TMTC2: variants seen among roughly 807,000 people sequenced by gnomAD.
TMTC2 encodes the protein transmembrane O-mannosyltransferase targeting cadherins 2, also known as protein O-mannosyl-transferase TMTC2.
Under a neutral mutation model 82.4 loss-of-function variants are expected in TMTC2, and 43 were observed. That is an observed-to-expected ratio of 0.52 (90% CI 0.41 to 0.67). The LOEUF (loss-of-function observed/expected upper bound fraction) is 0.67, where lower values mean the gene tolerates loss of function less well. Ranked by LOEUF, TMTC2 falls within the 30% of genes least tolerant of loss-of-function variation. The pLI, the probability that TMTC2 is intolerant of heterozygous loss-of-function variation, is 0.00. For synonymous variants in TMTC2, 408 were observed against 381.9 expected (o/e 1.07, Z -0.80); for missense variants, 919 against 1,012.4 (o/e 0.91, Z 1.25).
At chr12:83,031,315 G>A (rs995300499) in intron 9 of TMTC2, among the ~76,000 whole-genome samples, 2 of 152,154 alleles carry the variant, frequency 1.3e-5, no homozygotes, top group Non-Finnish European at 2.9e-5. Context: ...GGAAGATATG[G>A]ATGTACACTA....
intron 1 of TMTC2, among the ~76,000 whole-genome samples, chr12:82,813,618 C>G (rs1269674534): frequency 6.6e-6 from 1 of 152,022 alleles, no homozygotes; most frequent in African/African-American, 2.4e-5. Flanking sequence ...TATATTTTTA[C>G]AGTTTTATAA....
intron 1 of TMTC2, among the ~76,000 whole-genome samples, chr12:82,702,021 T>C (rs1873108420): frequency 6.6e-6 from 1 of 152,116 alleles, no homozygotes; most frequent in African/African-American, 2.4e-5. Context: ...GTTTCTGATT[T>C]CCCCTGCCCC....
At chr12:82,689,172 G>A (rs184986224) in intron 1 of TMTC2, among the ~76,000 whole-genome samples, 13 of 152,274 alleles carry the variant, frequency 8.5e-5, no homozygotes, top group Non-Finnish European at 1.6e-4. Flanking sequence ...TAGCATATTC[G>A]TGGAAAAAGC....
chr12:82,971,600 C>T (rs185924675), intron 7 of TMTC2, among the ~76,000 whole-genome samples: 8 of 152,110 alleles, frequency 5.3e-5, no homozygotes, highest in African/African-American at 1.2e-4. Flanking sequence ...GGTCGTTTTA[C>T]GCCTATTTAC....
chr12:83,123,757 T>A (rs924951681), intron 11 of TMTC2, among the ~76,000 whole-genome samples: 3 of 152,192 alleles, frequency 2.0e-5, no homozygotes, highest in Non-Finnish European at 2.9e-5. Context: ...AAAATGTTTT[T>A]TAAAGTACCA....
chr12:82,734,387 T>C (rs572416107), intron 1 of TMTC2, among the ~76,000 whole-genome samples: 2 of 152,252 alleles, frequency 1.3e-5, no homozygotes, highest in South Asian at 4.1e-4. Flanking sequence ...GGTTCCTGTG[T>C]TCTTGCTGGC....
intron 8 of TMTC2, among the ~76,000 whole-genome samples, chr12:83,025,680 T>C (rs1881136793): frequency 1.3e-5 from 2 of 152,194 alleles, no homozygotes. Flanking sequence ...ATCCAAGTTG[T>C]AGGTTTCCAG....
chr12:82,767,398 A>G (rs1166583840), intron 1 of TMTC2, among the ~76,000 whole-genome samples: 1 of 152,196 alleles, frequency 6.6e-6, no homozygotes, highest in Non-Finnish European at 1.5e-5. Context: ...AGCGTGGGCA[A>G]CATAGTGAGA....
At chr12:83,098,303 G>A (rs76396897) in intron 11 of TMTC2, among the ~76,000 whole-genome samples, 27,780 of 152,040 alleles carry the variant, frequency 0.18, 3,146 homozygotes, top group African/African-American at 0.31. Flanking sequence ...ATTACTTTCA[G>A]CTTTTTTTCT....
chr12:83,038,374 G>A (rs1881755022), intron 9 of TMTC2, among the ~76,000 whole-genome samples: 2 of 151,776 alleles, frequency 1.3e-5, no homozygotes, highest in South Asian at 2.1e-4. Flanking sequence ...AAATTATAAC[G>A]AATTCCCTCA....
At chr12:82,753,283 T>C (rs1876116085) in intron 1 of TMTC2, among the ~76,000 whole-genome samples, 1 of 151,770 alleles carries the variant, frequency 6.6e-6, no homozygotes, top group Non-Finnish European at 1.5e-5. Flanking sequence ...ATTTCTGCAG[T>C]CTTCATATTG....
chr12:82,770,903 G>T (rs1877263374), intron 1 of TMTC2, among the ~76,000 whole-genome samples: 1 of 152,024 alleles, frequency 6.6e-6, no homozygotes, highest in Admixed American at 6.6e-5. Context: ...AATATTCCTA[G>T]CTAGGAACAC....
intron 1 of TMTC2, among the ~76,000 whole-genome samples, chr12:82,825,013 C>T (rs114637374): frequency 0.012 from 1,809 of 151,458 alleles, 42 homozygotes; most frequent in African/African-American, 0.042. Flanking sequence ...CACTTGAACC[C>T]GGAAGTTGGA....
rs111810817 is a variant in TMTC2 at position 82,895,973 on chromosome 12, T to G, written c.810T>G (p.Thr270=). ...AADSDSLLTR[T]LTFFYLPTKN... ...ATTCGGACAGCCTCCTCACCCGCAC[T>G]CTCACCTTCTTCTACTTGCCAACCA... The change falls in exon 3 of 12, where the codon ACT becomes ACG. Residue 270 remains threonine (T), a synonymous_variant. Coordinates refer to ENST00000321196, the MANE Select transcript of TMTC2 (RefSeq NM_152588.3). 2.2e-5 allele frequency: 36 copies of G among 1,613,852 alleles called. No individual in the cohort carries two copies. In the African/African-American group the frequency reaches 2.9e-4, roughly 13 times the overall value.
intron 8 of TMTC2, among the ~76,000 whole-genome samples, chr12:83,025,843 A>G (rs1327732755): frequency 1.3e-5 from 2 of 152,192 alleles, no homozygotes; most frequent in Non-Finnish European, 2.9e-5. Context: ...AAAGGATACA[A>G]TTGAACAGCC....
intron 10 of TMTC2, among the ~76,000 whole-genome samples, chr12:83,055,162 C>T (rs1178880095): frequency 6.6e-6 from 1 of 152,048 alleles, no homozygotes; most frequent in African/African-American, 2.4e-5. Context: ...AGCTGCTTCC[C>T]ATTATGCTTA....
intron 1 of TMTC2, among the ~76,000 whole-genome samples, chr12:82,790,018 A>G (rs1278457551): frequency 2.0e-5 from 3 of 151,994 alleles, no homozygotes; most frequent in Admixed American, 2.0e-4. Context: ...TTGGGGCAAC[A>G]TAGTGAGACC....
At position 83,120,701 on chromosome 12, in the gene TMTC2, C is replaced by G. The variant is rs144350928; in HGVS notation, c.2332-11509C>G. ...TCTTGTATTTGGTTGTCTAGGGTCTCTAGCAAGGCCAGGGAAGTTTTCCTC... is the reference window on the plus strand; with the variant it reads ...TCTTGTATTTGGTTGTCTAGGGTCTGTAGCAAGGCCAGGGAAGTTTTCCTC... On this transcript the variant is annotated intron_variant, in intron 11 of 11. Transcript: ENST00000321196. Among the ~76,000 whole-genome samples the G allele has an allele frequency of 6.9e-3, 1,055 of 152,312 alleles. 8 individuals carry two copies. The highest frequency in any genetic ancestry group is 0.013 in the Admixed American group (203 of 15,298).
At chr12:82,995,533 A>G (rs995370840) in intron 8 of TMTC2, among the ~76,000 whole-genome samples, 1 of 152,198 alleles carries the variant, frequency 6.6e-6, no homozygotes, top group Non-Finnish European at 1.5e-5. Flanking sequence ...AACCTGAAGC[A>G]TGAAGCCTGC....
Sources: gnomAD v4.1 joint callset for allele counts (sites outside exome capture counted in the v4.1 genomes callset) on GRCh38, gnomAD v4.1.1 for gene constraint, MANE v1.5 for transcripts, NCBI Gene and HGNC (gene_info 2026-07-23, HGNC 2026-07-21) for gene names.